The following CDH12 variants were observed in gnomAD, a reference collection of about 807,000 sequenced individuals.
CDH12 encodes cadherin 12, also known as cadherin-12.
CDH12 carries 41 observed loss-of-function variants against 74.1 expected under a neutral mutation model. That is an observed-to-expected ratio of 0.55 (90% CI 0.43 to 0.72). CDH12 has a LOEUF of 0.72. CDH12 is among the 30% of genes least tolerant of loss of function. CDH12 has a pLI of 0.00. For synonymous variants in CDH12, 399 were observed against 355.0 expected (o/e 1.12, Z -1.39); for missense variants, 945 against 977.2 (o/e 0.97, Z 0.44).
At chr5:21,936,535 A>G (rs1346287315) in intron 6 of CDH12, among the ~76,000 whole-genome samples, 2 of 152,198 alleles carry the variant, frequency 1.3e-5, no homozygotes, top group Non-Finnish European at 2.9e-5. Context: ...AGTCATTTAA[A>G]CAAATAATAG....
intron 3 of CDH12, among the ~76,000 whole-genome samples, chr5:22,379,237 T>C (rs1288603534): frequency 1.3e-5 from 2 of 152,290 alleles, no homozygotes; most frequent in Middle Eastern, 3.4e-3. Flanking sequence ...GATCATGTTC[T>C]AGAACGAATA....
chr5:21,866,966 C>T (rs1751360767), intron 6 of CDH12, among the ~76,000 whole-genome samples: 1 of 152,088 alleles, frequency 6.6e-6, no homozygotes, highest in East Asian at 1.9e-4. Context: ...TAAAAAGGGC[C>T]AATGTACAGC....
intron 1 of CDH12, among the ~76,000 whole-genome samples, chr5:22,766,080 T>C (rs1746498296): frequency 6.6e-6 from 1 of 151,906 alleles, no homozygotes; most frequent in African/African-American, 2.4e-5. Context: ...AGGATACAAT[T>C]TAACATCTAC....
chr5:21,767,605 C>T (rs1293858699), intron 11 of CDH12, among the ~76,000 whole-genome samples: 1 of 151,314 alleles, frequency 6.6e-6, no homozygotes, highest in Non-Finnish European at 1.5e-5. Flanking sequence ...ATCTAAATTT[C>T]CTGAAGATTA....
intron 1 of CDH12, among the ~76,000 whole-genome samples, chr5:22,835,451 G>T (rs1736778903): frequency 6.6e-6 from 1 of 152,090 alleles, no homozygotes; most frequent in Admixed American, 6.6e-5. Flanking sequence ...TTTTTGAACA[G>T]TCTTCCACTT....
rs1269036740 is a variant in CDH12, at chr5:21,760,596, G to A, written c.1595C>T (p.Ala532Val). The A allele has an allele frequency of 6.2e-7, 1 of 1,610,316 alleles. No individual in the cohort carries two copies. Among genetic ancestry groups the A allele is most frequent in the African/African-American group, 1.3e-5 (1 of 74,900 alleles). The stretch of plus-strand genomic sequence containing the variant: ...AACTGTAAAATTTGGTTTGATAGCA[G>A]CCTCAGGTGATAATCTAAAGGAGAA... Reference protein sequence around the residue: ...QQFSFRLSPEAAIKPNFTVRD... With the variant: ...QQFSFRLSPEVAIKPNFTVRD... The change falls in exon 13 of 15, where the codon GCT becomes GTT. Residue 532 changes from alanine (A) to valine (V), a missense_variant. By Grantham distance (64) the Ala-to-Val change is moderately conservative. Around this residue, in one of 3 missense-constraint regions of CDH12, gnomAD observed 791 missense variants for 792.8 expected, o/e 1.00. Coordinates refer to ENST00000382254, the MANE Select transcript of CDH12 (RefSeq NM_004061.5).
chr5:21,832,935 TATATATA>T (rs1749147133), intron 8 of CDH12, among the ~76,000 whole-genome samples: 3 of 66,856 alleles, frequency 4.5e-5, no homozygotes, highest in African/African-American at 2.7e-4. Flanking sequence ...TATCATATAT[TATATATA>T]ATATCATATT....
At chr5:21,895,813 A>C (rs980124794) in intron 6 of CDH12, among the ~76,000 whole-genome samples, 1 of 152,174 alleles carries the variant, frequency 6.6e-6, no homozygotes, top group African/African-American at 2.4e-5. Flanking sequence ...TCCTTCAAAT[A>C]ACTGTGCATG....
At chr5:21,958,219 C>T (rs1756188960) in intron 6 of CDH12, among the ~76,000 whole-genome samples, 1 of 152,140 alleles carries the variant, frequency 6.6e-6, no homozygotes, top group Non-Finnish European at 1.5e-5. Flanking sequence ...CCATGCTGAA[C>T]TTCAAGTCAA....
At chr5:22,200,318 T>A (rs1235364732) in intron 4 of CDH12, among the ~76,000 whole-genome samples, 1 of 152,136 alleles carries the variant, frequency 6.6e-6, no homozygotes, top group East Asian at 1.9e-4. Flanking sequence ...AGAATAGGAA[T>A]TAGTGTAGCT....
intron 6 of CDH12, among the ~76,000 whole-genome samples, chr5:21,880,671 C>CTTTCTTTCT (rs1561268805): frequency 2.5e-5 from 3 of 120,216 alleles, no homozygotes; most frequent in Non-Finnish European, 5.3e-5. Context: ...TTCTTTCTTT[C>CTTTCTTTCT]TTTCTTTCTT....
At chr5:22,198,569 T>C (rs1750752652) in intron 4 of CDH12, among the ~76,000 whole-genome samples, 1 of 152,088 alleles carries the variant, frequency 6.6e-6, no homozygotes, top group South Asian at 2.1e-4. Context: ...GTATAAGTAG[T>C]TATGCTGTTG....
chr5:22,166,988 T>C (rs1449047354), intron 4 of CDH12, among the ~76,000 whole-genome samples: 3 of 152,206 alleles, frequency 2.0e-5, no homozygotes, highest in South Asian at 2.1e-4. Flanking sequence ...TGATCTTCAA[T>C]TCCTATGTTT....
chr5:21,934,208 G>T (rs1334148245), intron 6 of CDH12, among the ~76,000 whole-genome samples: 1 of 152,160 alleles, frequency 6.6e-6, no homozygotes, highest in East Asian at 1.9e-4. Context: ...CCCAGTGTTG[G>T]AGGTATGGCC....
chr5:22,229,714 T>G (rs1362278692), intron 3 of CDH12, among the ~76,000 whole-genome samples: 2 of 152,142 alleles, frequency 1.3e-5, no homozygotes, highest in Non-Finnish European at 2.9e-5. Flanking sequence ...TCAAATTTCA[T>G]GCCCACATCT....
At chr5:22,466,333 C>T (rs1745726810) in intron 2 of CDH12, among the ~76,000 whole-genome samples, 3 of 152,112 alleles carry the variant, frequency 2.0e-5, no homozygotes, top group Admixed American at 1.3e-4. Flanking sequence ...AGCTCAGTAA[C>T]CCAATGGGGC....
At chr5:22,610,325 T>C (rs1354813707) in intron 1 of CDH12, among the ~76,000 whole-genome samples, 1 of 152,210 alleles carries the variant, frequency 6.6e-6, no homozygotes, top group Non-Finnish European at 1.5e-5. Context: ...AGTAAATTTT[T>C]ATTCCATTGA....
intron 8 of CDH12, among the ~76,000 whole-genome samples, chr5:21,817,392 AC>A (rs1748118368): frequency 6.6e-6 from 1 of 152,110 alleles, no homozygotes; most frequent in African/African-American, 2.4e-5. Context: ...TATTAGCAGG[AC>A]TTGTTTTACA....
At chr5:21,905,116 A>T (rs2150057866) in intron 6 of CDH12, among the ~76,000 whole-genome samples, 1 of 152,324 alleles carries the variant, frequency 6.6e-6, no homozygotes, top group Admixed American at 6.5e-5. Flanking sequence ...AAAGGTATCA[A>T]AAATAGGTTT....
Sources: gnomAD v4.1 joint callset for allele counts (sites outside exome capture counted in the v4.1 genomes callset) on GRCh38, gnomAD v4.1.1 for gene constraint, gnomAD v4.1.1 regional missense constraint, MANE v1.5 for transcripts, NCBI Gene and HGNC (gene_info 2026-07-23, HGNC 2026-07-21) for gene names.